GRB10: variants seen among roughly 807,000 people sequenced by gnomAD.
GRB10 encodes growth factor receptor bound protein 10.
In GRB10, 20 loss-of-function variants were observed where a neutral mutation model predicts 80.9. The ratio of observed to expected loss-of-function variants is 0.25; its 90% confidence interval spans 0.17 to 0.36. The LOEUF (loss-of-function observed/expected upper bound fraction) is 0.36. Ranked by LOEUF, GRB10 falls within the 10% of genes least tolerant of loss-of-function variation. The probability of loss-of-function intolerance (pLI) is 1.00; values close to 1 mark genes in which losing one functional copy is unlikely to be tolerated. For missense variants in GRB10, 548 were observed against 747.7 expected, an observed-to-expected ratio of 0.73 and a Z score of 3.12; for synonymous variants, 291 against 291.5, an observed-to-expected ratio of 1.00 and a Z score of 0.02.
At chr7:50,701,473 C>G (rs1278687636) in intron 5 of GRB10, among the ~76,000 whole-genome samples, 1 of 152,160 alleles carries the variant, frequency 6.6e-6, no homozygotes, top group Admixed American at 6.5e-5. Flanking sequence ...CACCTGTAGT[C>G]CCAGGTACTC....
At chr7:50,755,741 T>C (rs1294502360) in intron 3 of GRB10, 146 bp downstream of exon 3, 8 of 396,530 alleles carry the variant, frequency 2.0e-5, no homozygotes, top group East Asian at 3.6e-5. Context: ...GACGGGAGAC[T>C]CTCTTTGGGA....
chr7:50,691,714 T>G (rs1405956976), intron 5 of GRB10, among the ~76,000 whole-genome samples: 1 of 152,196 alleles, frequency 6.6e-6, no homozygotes, highest in African/African-American at 2.4e-5. Context: ...ATATGGGCAT[T>G]AGTTATTTTG....
Position 50,616,263 on chromosome 7 carries a change from A to C in GRB10, c.931T>G (p.Tyr311Asp). 1 of 1,614,224 alleles carries C rather than the reference A, an allele frequency of 6.2e-7. No individual in the cohort carries two copies. Among genetic ancestry groups the C allele is most frequent in the Non-Finnish European group, 8.5e-7 (1 of 1,180,020 alleles). ...ELGKKSWKKL[Y>D]VCLRRSGLYC... is the part of the protein sequence containing the mutation. The stretch of plus-strand genomic sequence containing the variant: ...AGGCCAGATCTCCGCAAACACACAT[A>C]CAGCTTTTTCCATGATTTCTTTCCC... The change falls in exon 11 of 19, where the codon TAT becomes GAT. Residue 311 changes from tyrosine (Y) to aspartate (D), a missense_variant. Physicochemically the swap from Tyr to Asp is radical, Grantham distance 160. Transcript: ENST00000401949.
At chr7:50,630,284 C>G (rs752662668) in intron 7 of GRB10, among the ~76,000 whole-genome samples, 1 of 152,226 alleles carries the variant, frequency 6.6e-6, no homozygotes, top group African/African-American at 2.4e-5. Context: ...TTGGCCATAA[C>G]CATGCTTCAT....
chr7:50,753,486 A>G (rs943205766), intron 3 of GRB10, among the ~76,000 whole-genome samples: 8 of 152,202 alleles, frequency 5.3e-5, no homozygotes, highest in African/African-American at 1.9e-4. Flanking sequence ...CAAGTCAAGG[A>G]AAGGTTTCAT....
intron 2 of GRB10, among the ~76,000 whole-genome samples, chr7:50,764,293 C>CA (rs1446887060): frequency 6.6e-6 from 1 of 152,242 alleles, no homozygotes; most frequent in Non-Finnish European, 1.5e-5. Context: ...GCCTCTTCTG[C>CA]AGAACACATC....
intron 7 of GRB10, among the ~76,000 whole-genome samples, chr7:50,639,578 CG>C: frequency 6.6e-6 from 1 of 151,832 alleles, no homozygotes; most frequent in African/African-American, 2.4e-5. Flanking sequence ...GAGGCTGAGG[CG>C]GGAGAATGGC....
intron 5 of GRB10, 58 bp downstream of exon 5, chr7:50,703,762 TC>T: frequency 4.3e-6 from 5 of 1,169,838 alleles, no homozygotes; most frequent in Non-Finnish European, 6.4e-6. Context: ...GAATATCAGA[TC>T]TGGGCACTGC....
chr7:50,711,105 G>C (rs191663886), intron 4 of GRB10: 2 of 589,132 alleles, frequency 3.4e-6, no homozygotes. Context: ...GAGAATGCCC[G>C]ATCATAACCT....
At chr7:50,776,230 T>C (rs2077625249) in intron 2 of GRB10, among the ~76,000 whole-genome samples, 1 of 152,162 alleles carries the variant, frequency 6.6e-6, no homozygotes, top group African/African-American at 2.4e-5. Context: ...TTTTCTTTTT[T>C]GGAAACAGGG....
At chr7:50,616,031 G>A (rs537057341) in intron 11 of GRB10, among the ~76,000 whole-genome samples, 179 bp downstream of exon 11, 8 of 152,274 alleles carry the variant, frequency 5.3e-5, no homozygotes, top group South Asian at 2.1e-4. Flanking sequence ...GTTTCTGAGC[G>A]AGACCAGGAA....
In GRB10 at chr7:50,616,274, CATG is replaced by C. The variant is rs1430480852; in HGVS notation, c.917_919del (p.Ser306del). Reference sequence around the variant, plus strand: ...CCGCAAACACACATACAGCTTTTTCCATGATTTCTTTCCCAGCTCTTTCACATG... The same window carrying C: ...CCGCAAACACACATACAGCTTTTTCCATTTCTTTCCCAGCTCTTTCACATG... On this transcript the variant is annotated inframe_deletion, in exon 11 of 19. Coordinates refer to ENST00000401949, the MANE Select transcript of GRB10 (RefSeq NM_001350814.2). 6.2e-7 allele frequency: 1 copy of C among 1,614,182 alleles called. No individual in the cohort carries two copies. The highest frequency in any genetic ancestry group is 1.7e-5 in the Admixed American group (1 of 60,030).
At chr7:50,628,504 C>T (rs7792075) in intron 7 of GRB10, among the ~76,000 whole-genome samples, 1 of 151,798 alleles carries the variant, frequency 6.6e-6, no homozygotes, top group African/African-American at 2.4e-5. Context: ...AGCTAGCTAC[C>T]CTCAGCTGTC....
chr7:50,770,841 A>G (rs563020901), intron 2 of GRB10, among the ~76,000 whole-genome samples: 3 of 152,248 alleles, frequency 2.0e-5, no homozygotes, highest in African/African-American at 4.8e-5. Flanking sequence ...TTCTTTTTAC[A>G]TGGAGAAAAA....
At chr7:50,627,353 G>A (rs538651010) in intron 7 of GRB10, among the ~76,000 whole-genome samples, 1 of 152,174 alleles carries the variant, frequency 6.6e-6, no homozygotes, top group East Asian at 1.9e-4. Flanking sequence ...TGAACCAATT[G>A]AAAAAACAAG....
At chr7:50,617,949 G>A (rs1475173592) in intron 10 of GRB10, 122 bp downstream of exon 10, 4 of 884,014 alleles carry the variant, frequency 4.5e-6, no homozygotes, top group East Asian at 4.9e-5. Context: ...CGGCTTAAGA[G>A]CCAAGGTTAT....
chr7:50,627,067 A>G, intron 7 of GRB10, 89 bp from the exon 8 acceptor site: 1 of 1,336,836 alleles, frequency 7.5e-7, no homozygotes, highest in Non-Finnish European at 1.1e-6. Context: ...GGTAAAGTAA[A>G]AATAGTAGTG....
chr7:50,669,714 A>G lies in GRB10; in HGVS notation c.504+8T>C. 1 of 1,612,328 alleles carries G rather than the reference A, an allele frequency of 6.2e-7. No homozygotes were observed. Among genetic ancestry groups the G allele is most frequent in the South Asian group, 1.1e-5 (1 of 91,050 alleles). On this transcript the variant is annotated splice_region_variant and intron_variant, in intron 7 of 18. Transcript: ENST00000401949. ...CTCAGCCTGGGCTCCAGCCAGGGGCACACTCACCTGCTTTGCGGCGGCCTG... is the reference window on the plus strand; with the variant it reads ...CTCAGCCTGGGCTCCAGCCAGGGGCGCACTCACCTGCTTTGCGGCGGCCTG...
chr7:50,718,081 G>C (rs530740298), intron 4 of GRB10, among the ~76,000 whole-genome samples: 3 of 152,206 alleles, frequency 2.0e-5, no homozygotes, highest in African/African-American at 7.2e-5. Flanking sequence ...CACTGACTAA[G>C]TGCCAGGACA....
Sources: gnomAD v4.1 joint callset for allele counts (sites outside exome capture counted in the v4.1 genomes callset) on GRCh38, gnomAD v4.1.1 for gene constraint, MANE v1.5 for transcripts, NCBI Gene and HGNC (gene_info 2026-07-23, HGNC 2026-07-21) for gene names.